The following PRKN variants were observed in gnomAD, a reference collection of about 807,000 sequenced individuals.
PRKN encodes parkin RBR E3 ubiquitin protein ligase.
Under a neutral mutation model 59.5 loss-of-function variants are expected in PRKN, and 56 were observed. That is an observed-to-expected ratio of 0.94 (90% confidence interval 0.76 to 1.18). The LOEUF (loss-of-function observed/expected upper bound fraction) is 1.18, where lower values mean the gene tolerates loss of function less well. Among genes scored for constraint, PRKN ranks in the 50% most tolerant of loss-of-function variants. The probability of loss-of-function intolerance (pLI) is 0.00; values close to 1 mark genes in which losing one functional copy is unlikely to be tolerated. For synonymous variants in PRKN, 250 were observed against 222.1 expected (o/e 1.13, Z -1.12); for missense variants, 657 against 596.4 (o/e 1.10, Z -1.06).
chr6:161,638,842 T>C (rs1020631113), intron 7 of PRKN, among the ~76,000 whole-genome samples: 2 of 147,240 alleles, frequency 1.4e-5, no homozygotes, highest in Non-Finnish European at 3.0e-5. Context: ...CCCGGGCTCA[T>C]GCAATTCTCC....
In PRKN at chr6:161,377,827, C is replaced by G. The variant is rs2114919345; in HGVS notation, c.1167+8967G>C. Among the ~76,000 whole-genome samples, 1 of 152,290 alleles carries G rather than the reference C, an allele frequency of 6.6e-6. No individual in the cohort carries two copies. The highest frequency in any genetic ancestry group is 1.5e-5 in the Non-Finnish European group (1 of 68,020). On this transcript the variant is annotated intron_variant, in intron 10 of 11. Transcript: ENST00000366898. The surrounding 1 kb of genome is among the most constrained non-coding windows in gnomAD (Gnocchi z 4.2). ...TGAGGGTATAGCTAGAAGACGTCATCTACAAACCAAAAAGTGGTCCCTCAT... is the reference window on the plus strand; with the variant it reads ...TGAGGGTATAGCTAGAAGACGTCATGTACAAACCAAAAAGTGGTCCCTCAT...
At chr6:162,270,420 T>G (rs1780323196) in intron 2 of PRKN, 1 of 152,154 alleles carries the variant, frequency 6.6e-6, no homozygotes. Flanking sequence ...CAGTAGGTAC[T>G]GCTTGAGTGT....
At chr6:162,512,988 C>T (rs927290228) in intron 1 of PRKN, among the ~76,000 whole-genome samples, 2 of 152,074 alleles carry the variant, frequency 1.3e-5, no homozygotes, top group Admixed American at 1.3e-4. Flanking sequence ...GGCACAAATC[C>T]TAAACTTTTA....
At chr6:161,670,911 C>T (rs142389632) in intron 7 of PRKN, among the ~76,000 whole-genome samples, 19 of 152,270 alleles carry the variant, frequency 1.2e-4, no homozygotes, top group African/African-American at 3.8e-4. Flanking sequence ...TACACCTGCA[C>T]AGACTCTATT....
rs561461282 is a variant in PRKN, at chr6:162,404,367, C to CAAA, written c.171+38942_171+38943insTTT. On this transcript the variant is annotated intron_variant, in intron 2 of 11. Coordinates refer to ENST00000366898, the MANE Select transcript of PRKN (RefSeq NM_004562.3). ...CCTGGGCGACAGAGTGAGACTCTGTCAGAAAAAAAAAAAAAGAAAGAAAGA... is the reference window on the plus strand; with the variant it reads ...CCTGGGCGACAGAGTGAGACTCTGTCAAAAGAAAAAAAAAAAAAGAAAGAAAGA... Among the ~76,000 whole-genome samples the CAAA allele has an allele frequency of 2.0e-3, 283 of 139,050 alleles. 2 individuals carry two copies. The highest frequency in any genetic ancestry group is 0.014 in the East Asian group (65 of 4,620). The allele number at this position is 139,050 out of a possible 152,430, so 91.2% of individuals were successfully genotyped here. A position where few individuals can be genotyped will look rare whatever the true frequency, so the allele number is the denominator to read the frequency against.
chr6:161,567,036 TTTGTG>T (rs1431850446), intron 8 of PRKN, among the ~76,000 whole-genome samples: 8 of 123,170 alleles, frequency 6.5e-5, no homozygotes, highest in Non-Finnish European at 1.4e-4. Context: ...TTTTTTTTTT[TTTGTG>T]TGTGTGTGTG....
intron 7 of PRKN, among the ~76,000 whole-genome samples, chr6:161,771,138 C>T (rs552642756): frequency 1.8e-4 from 28 of 151,904 alleles, no homozygotes; most frequent in Middle Eastern, 3.4e-3. Context: ...GGGCGGATTA[C>T]GAGGTCAGGA....
At chr6:161,374,868 A>C (rs1372078018) in intron 10 of PRKN, among the ~76,000 whole-genome samples, 2 of 152,118 alleles carry the variant, frequency 1.3e-5, no homozygotes, top group African/African-American at 4.8e-5. Flanking sequence ...TAGACTTGCA[A>C]AGTCGGTTCA....
chr6:161,782,292 G>A (rs1337210673), intron 7 of PRKN, among the ~76,000 whole-genome samples: 2 of 152,046 alleles, frequency 1.3e-5, no homozygotes, highest in African/African-American at 2.4e-5. Flanking sequence ...GTACTATAGA[G>A]TGAAAAAAGC....
chr6:162,068,197 C>T (rs142936242), intron 4 of PRKN, among the ~76,000 whole-genome samples: 5 of 152,260 alleles, frequency 3.3e-5, no homozygotes, highest in Non-Finnish European at 5.9e-5. Context: ...TTGCTGATAA[C>T]CTGCTTTTCA....
At position 161,398,019 on chromosome 6, in the gene PRKN, G is replaced by T. The variant is rs190131611; in HGVS notation, c.1084-11142C>A. On this transcript the variant is annotated intron_variant, in intron 9 of 11. Coordinates refer to ENST00000366898, the MANE Select transcript of PRKN (RefSeq NM_004562.3). ...GAATGAAGACGCTAGCCAGAGAGGG[G>T]GCAGGATGGGAGTGAAGTCCCAGAG... Among the ~76,000 whole-genome samples, 4 of 152,258 alleles carry T rather than the reference G, an allele frequency of 2.6e-5. No homozygotes were observed. In the East Asian group the frequency reaches 7.7e-4, roughly 29 times the overall value.
intron 9 of PRKN, among the ~76,000 whole-genome samples, chr6:161,500,942 C>T (rs1777941186): frequency 7.2e-6 from 1 of 138,004 alleles, no homozygotes; most frequent in African/African-American, 2.7e-5. Context: ...ATGGCGCAAT[C>T]TTGGCTCACT....
intron 1 of PRKN, among the ~76,000 whole-genome samples, chr6:162,457,149 G>A (rs955192864): frequency 6.6e-6 from 1 of 152,140 alleles, no homozygotes; most frequent in Non-Finnish European, 1.5e-5. Context: ...TGATTTTGGG[G>A]CAAGGAATAA....
intron 4 of PRKN, among the ~76,000 whole-genome samples, chr6:162,168,496 G>A (rs536361041): frequency 6.9e-6 from 1 of 144,698 alleles, no homozygotes; most frequent in South Asian, 2.2e-4. Context: ...AAAATCCAAG[G>A]GGAATTATGA....
chr6:162,415,217 G>T (rs1359310797), intron 2 of PRKN, among the ~76,000 whole-genome samples: 1 of 152,076 alleles, frequency 6.6e-6, no homozygotes, highest in Non-Finnish European at 1.5e-5. Context: ...GCCAACTGGG[G>T]AAAGTTATTT....
chr6:161,710,166 T>C (rs1261267185), intron 7 of PRKN, among the ~76,000 whole-genome samples: 1 of 151,736 alleles, frequency 6.6e-6, no homozygotes, highest in Non-Finnish European at 1.5e-5. Flanking sequence ...CCATGAAGCT[T>C]TGTCAATTGT....
intron 6 of PRKN, among the ~76,000 whole-genome samples, chr6:161,918,679 A>C (rs1254273806): frequency 6.6e-6 from 1 of 152,202 alleles, no homozygotes; most frequent in African/African-American, 2.4e-5. Flanking sequence ...AGGAAGGAAA[A>C]CAAAACTTCT....
intron 7 of PRKN, among the ~76,000 whole-genome samples, chr6:161,614,242 G>A (rs988776055): frequency 6.6e-6 from 1 of 152,108 alleles, no homozygotes; most frequent in Non-Finnish European, 1.5e-5. Flanking sequence ...AGCTGCATTC[G>A]TGTTTAATGG....
intron 6 of PRKN, among the ~76,000 whole-genome samples, chr6:161,858,321 TTAC>T (rs1313283610): frequency 1.3e-5 from 2 of 152,192 alleles, no homozygotes; most frequent in African/African-American, 4.8e-5. Context: ...GGCTGTTAGG[TTAC>T]AGAATAGAAA....
Sources: allele counts gnomAD v4.1 joint callset (sites outside exome capture counted in the v4.1 genomes callset), GRCh38; gene constraint gnomAD v4.1.1; non-coding constraint Gnocchi (gnomAD v3.1); transcripts MANE v1.5; gene names NCBI Gene and HGNC (gene_info 2026-07-23, HGNC 2026-07-21).